The following PTPRM variants were observed in gnomAD, a reference collection of about 807,000 sequenced individuals.
The protein encoded by PTPRM is protein tyrosine phosphatase receptor type M.
Under a neutral mutation model 186.7 loss-of-function variants are expected in PTPRM, and 47 were observed. The observed-to-expected ratio is 0.25, with a 90% CI of 0.20 to 0.32. PTPRM has a LOEUF of 0.32. Among genes scored for constraint, PTPRM ranks in the 10% least tolerant of loss-of-function variants. The pLI is 1.00. For synonymous variants in PTPRM, 668 were observed against 674.9 expected, an observed-to-expected ratio of 0.99 and a Z score of 0.16; for missense variants, 1,494 against 1,865.0, an observed-to-expected ratio of 0.80 and a Z score of 3.66.
At chr18:7,988,350 A>T (rs957300075) in intron 7 of PTPRM, among the ~76,000 whole-genome samples, 1 of 152,210 alleles carries the variant, frequency 6.6e-6, no homozygotes, top group African/African-American at 2.4e-5. Flanking sequence ...GGCCCTTTCT[A>T]ATTTTGATTA....
chr18:8,051,637 A>G (rs1221489568), intron 7 of PTPRM, among the ~76,000 whole-genome samples: 1 of 152,190 alleles, frequency 6.6e-6, no homozygotes, highest in Non-Finnish European at 1.5e-5. Flanking sequence ...AATTCAATAT[A>G]ATGTGTTTCT....
chr18:8,141,267 A>G lies in PTPRM; in HGVS notation c.2168-2380A>G, dbSNP rs149359347. Among the ~76,000 whole-genome samples the G allele has an allele frequency of 7.4e-4, 113 of 152,202 alleles. 2 individuals carry two copies. Among genetic ancestry groups the G allele is most frequent in the African/African-American group, 2.6e-3 (108 of 41,530 alleles). ...GTCCTAAACCCAAACACCCGACTCA[A>G]CCGGATGGCCACTCCCAGGCAGCCC... On this transcript the variant is annotated intron_variant, in intron 13 of 32. Transcript: ENST00000580170.
intron 11 of PTPRM, among the ~76,000 whole-genome samples, chr18:8,104,860 ATGTT>A (rs904340451): frequency 6.6e-5 from 10 of 152,162 alleles, no homozygotes; most frequent in African/African-American, 2.4e-4. Context: ...GCTGGTATGT[ATGTT>A]CTTTTTCCTT....
At chr18:8,358,274 C>CAT (rs1555885362) in intron 23 of PTPRM, among the ~76,000 whole-genome samples, 5 of 151,074 alleles carry the variant, frequency 3.3e-5, no homozygotes, top group African/African-American at 9.8e-5. Flanking sequence ...CACACACACA[C>CAT]ATGCATACAC....
At chr18:7,594,940 C>T (rs988626989) in intron 1 of PTPRM, among the ~76,000 whole-genome samples, 8 of 152,124 alleles carry the variant, frequency 5.3e-5, no homozygotes, top group Admixed American at 2.6e-4. Flanking sequence ...GCCCACTTCT[C>T]GGGACTGAGT....
At chr18:7,844,373 T>C (rs1567905126) in intron 2 of PTPRM, among the ~76,000 whole-genome samples, 4 of 152,312 alleles carry the variant, frequency 2.6e-5, no homozygotes, top group South Asian at 2.1e-4. Flanking sequence ...TAAATCAGGT[T>C]CAAATATGGA....
intron 1 of PTPRM, among the ~76,000 whole-genome samples, chr18:7,773,897 G>A (rs1042643138): frequency 5.9e-5 from 9 of 152,062 alleles, no homozygotes; most frequent in African/African-American, 2.2e-4. Flanking sequence ...ACCTTCAGCT[G>A]GCTTCTACCA....
intron 7 of PTPRM, among the ~76,000 whole-genome samples, chr18:7,966,830 C>T (rs372801820): frequency 0.014 from 1,822 of 128,876 alleles, 117 homozygotes; most frequent in Non-Finnish European, 0.018. Context: ...CGCTGATTGC[C>T]AGCACAGCAG....
In PTPRM at chr18:7,862,698, T is replaced by C. The variant is rs544330118; in HGVS notation, c.197-25408T>C. 2.0e-5 allele frequency among the ~76,000 whole-genome samples: 3 copies of C among 152,352 alleles called. No homozygotes were observed. The East Asian group carries it at 5.8e-4, about 29-fold the overall frequency. On this transcript the variant is annotated intron_variant, in intron 2 of 32. Coordinates refer to ENST00000580170, the MANE Select transcript of PTPRM (RefSeq NM_001105244.2). The stretch of plus-strand genomic sequence containing the variant: ...GCTAAGACTGTGAATGGTGCTCCTA[T>C]GATATTGAATAGGCTAAATGCAGTT...
chr18:7,753,862 T>A (rs1249898004), intron 1 of PTPRM, among the ~76,000 whole-genome samples: 2 of 152,082 alleles, frequency 1.3e-5, no homozygotes. Flanking sequence ...TTTTTGGCTG[T>A]CTACACATTA....
At chr18:7,798,508 G>A (rs1480448172) in intron 2 of PTPRM, among the ~76,000 whole-genome samples, 3 of 150,896 alleles carry the variant, frequency 2.0e-5, no homozygotes, top group Admixed American at 6.6e-5. Flanking sequence ...TAGCCTGGGC[G>A]ACAGGGCAAG....
chr18:8,077,501 A>G (rs2089890038), intron 9 of PTPRM, among the ~76,000 whole-genome samples: 1 of 152,184 alleles, frequency 6.6e-6, no homozygotes, highest in South Asian at 2.1e-4. Context: ...ATAAAAGAAA[A>G]AAGTTGATTT....
chr18:8,375,177 C>G (rs536112321), intron 24 of PTPRM, among the ~76,000 whole-genome samples: 3 of 152,104 alleles, frequency 2.0e-5, no homozygotes, highest in Non-Finnish European at 2.9e-5. Flanking sequence ...AAGAGCAAAC[C>G]GTAAAGTCTC....
chr18:8,393,814 A>C (rs6506583), intron 31 of PTPRM, among the ~76,000 whole-genome samples: 19,874 of 151,760 alleles, frequency 0.13, 4,297 homozygotes, highest in African/African-American at 0.45. Context: ...TTTGAGAGGG[A>C]GTCTCGCTCT....
chr18:7,791,386 C>G (rs540498816), intron 2 of PTPRM, among the ~76,000 whole-genome samples: 2 of 152,116 alleles, frequency 1.3e-5, no homozygotes, highest in Admixed American at 1.3e-4. Context: ...CACTGTGGAC[C>G]TTTATTTCCC....
chr18:8,327,378 G>T (rs1269574119), intron 22 of PTPRM, among the ~76,000 whole-genome samples: 1 of 152,242 alleles, frequency 6.6e-6, no homozygotes, highest in Non-Finnish European at 1.5e-5. Flanking sequence ...TCAGGCAGGG[G>T]CATTCTGTGT....
Position 7,888,148 on chromosome 18 carries a change from A to T in PTPRM, c.239A>T (p.Gln80Leu). 6.2e-7 allele frequency: 1 copy of T among 1,614,154 alleles called. No homozygotes were observed. Among genetic ancestry groups the T allele is most frequent in the Non-Finnish European group, 8.5e-7 (1 of 1,180,006 alleles). ...AATGCCTCTGGGAGACCTGAGGGGC[A>T]GAGAGCCCACCTGCTCTTACCCCAA... ...LVNASGRPEG[Q>L]RAHLLLPQLK... Residue 80 changes from glutamine to leucine, a missense_variant, in exon 3 of 33, where the codon CAG becomes CTG. Physicochemically the swap from Gln to Leu is moderately radical, Grantham distance 113. Around this residue, in one of 3 missense-constraint regions of PTPRM, gnomAD observed 296 missense variants for 345.5 expected, o/e 0.86. Transcript: ENST00000580170.
At chr18:8,347,805 A>T (rs1330366389) in intron 23 of PTPRM, among the ~76,000 whole-genome samples, 2 of 149,400 alleles carry the variant, frequency 1.3e-5, no homozygotes, top group African/African-American at 2.5e-5. Flanking sequence ...TAAGGTTATT[A>T]AAAAAAAAAA....
chr18:8,108,857 G>T (rs2091637985), intron 11 of PTPRM, among the ~76,000 whole-genome samples: 1 of 152,210 alleles, frequency 6.6e-6, no homozygotes, highest in Non-Finnish European at 1.5e-5. Context: ...AGGAAGATTT[G>T]ATGTTACTTT....
Sources: gnomAD v4.1 joint callset for allele counts (sites outside exome capture counted in the v4.1 genomes callset) on GRCh38, gnomAD v4.1.1 for gene constraint, gnomAD v4.1.1 regional missense constraint, MANE v1.5 for transcripts, NCBI Gene and HGNC (gene_info 2026-07-23, HGNC 2026-07-21) for gene names.